ARHGAP26: variants seen among roughly 807,000 people sequenced by gnomAD.
ARHGAP26 encodes the protein Rho GTPase activating protein 26.
A neutral mutation model predicts 104.8 loss-of-function variants in ARHGAP26; 38 were observed. The ratio of observed to expected loss-of-function variants is 0.36; its 90% CI spans 0.28 to 0.48. The LOEUF (loss-of-function observed/expected upper bound fraction) is 0.48, where lower values mean the gene tolerates loss of function less well. Among genes scored for constraint, ARHGAP26 ranks in the 20% least tolerant of loss-of-function variants. The probability of loss-of-function intolerance (pLI) is 0.99; values close to 1 mark genes in which losing one functional copy is unlikely to be tolerated. For synonymous variants in ARHGAP26, 341 were observed against 340.0 expected (o/e 1.00, Z -0.03); for missense variants, 704 against 947.9 (o/e 0.74, Z 3.38).
At chr5:142,972,570 T>C (rs1206984035) in intron 11 of ARHGAP26, among the ~76,000 whole-genome samples, 1 of 152,192 alleles carries the variant, frequency 6.6e-6, no homozygotes, top group Non-Finnish European at 1.5e-5. Flanking sequence ...ACAACATGAT[T>C]GTAAGATACA....
chr5:142,989,637 G>A (rs1023159844), intron 11 of ARHGAP26, among the ~76,000 whole-genome samples: 1 of 152,208 alleles, frequency 6.6e-6, no homozygotes, highest in Admixed American at 6.5e-5. Context: ...AGGAGCTCTT[G>A]TAGGGCAGGC....
intron 11 of ARHGAP26, among the ~76,000 whole-genome samples, chr5:142,989,227 T>C (rs1775236064): frequency 6.6e-6 from 1 of 152,204 alleles, no homozygotes; most frequent in South Asian, 2.1e-4. Flanking sequence ...GTTGAATTGA[T>C]CCCTTTACCA....
At chr5:143,024,317 CCT>C (rs1265929060) in intron 12 of ARHGAP26, among the ~76,000 whole-genome samples, 1 of 151,762 alleles carries the variant, frequency 6.6e-6, no homozygotes, top group Non-Finnish European at 1.5e-5. Context: ...ACAAATCTAC[CCT>C]CTCTCTCAGC....
At chr5:142,858,890 T>C (rs2152297805) in intron 1 of ARHGAP26, among the ~76,000 whole-genome samples, 1 of 151,980 alleles carries the variant, frequency 6.6e-6, no homozygotes, top group Non-Finnish European at 1.5e-5. Flanking sequence ...AGTAACTAGG[T>C]GGGGAGACAG....
chr5:142,982,879 C>T (rs547729133), intron 11 of ARHGAP26, among the ~76,000 whole-genome samples: 1 of 152,312 alleles, frequency 6.6e-6, no homozygotes, highest in African/African-American at 2.4e-5. Flanking sequence ...ATGGTCATCT[C>T]TAGGTCTGAC....
chr5:143,096,339 T>C (rs1235054186), intron 17 of ARHGAP26, among the ~76,000 whole-genome samples: 1 of 152,246 alleles, frequency 6.6e-6, no homozygotes, highest in Admixed American at 6.5e-5. Context: ...TCTAAAATTA[T>C]GACGTTTTCT....
intron 22 of ARHGAP26, among the ~76,000 whole-genome samples, chr5:143,221,150 T>C (rs1298665191): frequency 6.6e-6 from 1 of 152,226 alleles, no homozygotes; most frequent in East Asian, 1.9e-4. Flanking sequence ...TCTCTCTTCC[T>C]TCCTGCTATT....
intron 1 of ARHGAP26, among the ~76,000 whole-genome samples, chr5:142,858,601 AT>A (rs1448157900): frequency 2.0e-5 from 3 of 152,132 alleles, no homozygotes; most frequent in African/African-American, 7.2e-5. Context: ...TTATTTATTT[AT>A]TTAGAAACAT....
chr5:143,174,193 A>G (rs930056606), intron 20 of ARHGAP26, among the ~76,000 whole-genome samples: 2 of 152,314 alleles, frequency 1.3e-5, no homozygotes, highest in Middle Eastern at 3.4e-3. Flanking sequence ...ATAGGTAACA[A>G]TCTATTGTTC....
intron 22 of ARHGAP26, among the ~76,000 whole-genome samples, chr5:143,217,902 C>T (rs1385218666): frequency 1.3e-5 from 2 of 152,194 alleles, no homozygotes; most frequent in Non-Finnish European, 2.9e-5. Context: ...TAAAATCTAT[C>T]AGTGGCCTCC....
chr5:143,212,886 C>G (rs1036009988), intron 21 of ARHGAP26, among the ~76,000 whole-genome samples: 2 of 152,184 alleles, frequency 1.3e-5, no homozygotes, highest in Non-Finnish European at 2.9e-5. Context: ...TGGCTCACGC[C>G]TGTAATCCCA....
intron 17 of ARHGAP26, among the ~76,000 whole-genome samples, chr5:143,105,424 T>TAAATAA (rs1793867691): frequency 2.6e-5 from 3 of 114,290 alleles, no homozygotes; most frequent in Admixed American, 9.0e-5. Flanking sequence ...TAAATAAATA[T>TAAATAA]AAAAATAGGT....
intron 17 of ARHGAP26, among the ~76,000 whole-genome samples, chr5:143,096,500 G>A (rs559028124): frequency 6.6e-6 from 1 of 152,226 alleles, no homozygotes; most frequent in South Asian, 2.1e-4. Flanking sequence ...TTTACATGGT[G>A]TTTCATGAAA....
In ARHGAP26 at chr5:143,222,524, C is replaced by G; in HGVS notation, c.*78C>G. 4 of 1,207,218 alleles carry G rather than the reference C, an allele frequency of 3.3e-6. No individual in the cohort carries two copies. The highest frequency in any genetic ancestry group is 4.6e-6 in the Non-Finnish European group (4 of 874,836). The allele number at this position is 1,207,218 out of a possible 1,614,324, so 74.8% of individuals were successfully genotyped here. Reference sequence around the variant, plus strand: ...TGATTCCAGTGTCGAGGCCATTTCTCTTTGCCACTGAGAAATGCAGCGTGA... The same window carrying G: ...TGATTCCAGTGTCGAGGCCATTTCTGTTTGCCACTGAGAAATGCAGCGTGA... On this transcript the variant is annotated 3_prime_UTR_variant, in exon 23 of 23. Coordinates refer to ENST00000645722, the MANE Select transcript of ARHGAP26 (RefSeq NM_001135608.3).
chr5:142,904,962 G>A (rs538047107), intron 8 of ARHGAP26, among the ~76,000 whole-genome samples: 1 of 152,192 alleles, frequency 6.6e-6, no homozygotes, highest in East Asian at 1.9e-4. Context: ...TAAGTTTCCT[G>A]GTAACTGGGG....
intron 17 of ARHGAP26, among the ~76,000 whole-genome samples, chr5:143,108,836 T>C (rs894705544): frequency 2.6e-5 from 4 of 152,246 alleles, no homozygotes; most frequent in Non-Finnish European, 4.4e-5. Flanking sequence ...ATTATGGTCA[T>C]GTCCATAGAA....
intron 11 of ARHGAP26, among the ~76,000 whole-genome samples, chr5:142,988,928 G>A (rs1233585960): frequency 2.0e-5 from 3 of 152,196 alleles, no homozygotes; most frequent in Admixed American, 2.0e-4. Context: ...GTTAATTTTG[G>A]AATAAGTGTC....
chr5:143,057,543 G>T, intron 16 of ARHGAP26, 99 bp from the exon 17 acceptor site: 1 of 892,712 alleles, frequency 1.1e-6, no homozygotes, highest in South Asian at 1.5e-5. Context: ...GAAATCCTTG[G>T]GCTGTTAGTG....
At chr5:142,915,186 C>T (rs1404583673) in intron 10 of ARHGAP26, among the ~76,000 whole-genome samples, 3 of 151,998 alleles carry the variant, frequency 2.0e-5, no homozygotes, top group East Asian at 1.9e-4. Flanking sequence ...CTTTATGACT[C>T]CCACAACAGC....
Sources: gnomAD v4.1 joint callset for allele counts (sites outside exome capture counted in the v4.1 genomes callset) on GRCh38, gnomAD v4.1.1 for gene constraint, MANE v1.5 for transcripts, NCBI Gene and HGNC (gene_info 2026-07-23, HGNC 2026-07-21) for gene names.